INPP5D: variants seen among roughly 807,000 people sequenced by gnomAD.
INPP5D encodes inositol polyphosphate-5-phosphatase D.
INPP5D carries 33 observed loss-of-function variants against 122.9 expected under a neutral mutation model. The observed-to-expected ratio is 0.27, with a 90% CI of 0.20 to 0.36. The LOEUF is 0.36. INPP5D is among the 10% of genes least tolerant of loss of function. The pLI is 1.00. For missense variants in INPP5D, 1,053 were observed against 1,412.7 expected (o/e 0.75, Z 4.08); for synonymous variants, 584 against 576.2 (o/e 1.01, Z -0.19).
intron 11 of INPP5D, among the ~76,000 whole-genome samples, chr2:233,163,130 T>G (rs1271317934): frequency 6.6e-6 from 1 of 152,236 alleles, no homozygotes; most frequent in Non-Finnish European, 1.5e-5. Flanking sequence ...GGAACAAAGT[T>G]TGCTCATCCT....
rs546215336 is a variant in INPP5D, at chr2:233,170,905, C to CAAAA, written c.1901-143_1901-140dup. ...TGGCCAACAAAGACAGACTCCGTCTCAAAAAAAAAAAAAAAAAAAGCAGCA... is the reference window on the plus strand; with the variant it reads ...TGGCCAACAAAGACAGACTCCGTCTCAAAAAAAAAAAAAAAAAAAAAAAGCAGCA... On this transcript the variant is annotated intron_variant, in intron 16 of 26. Coordinates refer to ENST00000445964, the MANE Select transcript of INPP5D (RefSeq NM_001017915.3). This position sits in a 1 kb window ranked among gnomAD's most constrained non-coding sequence, Gnocchi z 4.5. Among the ~76,000 whole-genome samples, 1 of 109,668 alleles carries CAAAA rather than the reference C, an allele frequency of 9.1e-6. No homozygotes were observed. The allele number at this position is 109,668 out of a possible 152,430, so 71.9% of individuals were successfully genotyped here.
At chr2:233,198,403 TC>T (rs1695241585) in intron 25 of INPP5D, 27 bp downstream of exon 25, 3 of 1,588,450 alleles carry the variant, frequency 1.9e-6, no homozygotes, top group East Asian at 4.5e-5. Flanking sequence ...TTAAGACGGC[TC>T]CCTCCCTCCT....
intron 5 of INPP5D, among the ~76,000 whole-genome samples, chr2:233,132,479 CTATT>C (rs1311676184): frequency 1.3e-5 from 2 of 152,232 alleles, no homozygotes; most frequent in African/African-American, 4.8e-5. Flanking sequence ...CTCCATGACT[CTATT>C]TAGAATTAAA....
At chr2:233,070,593 C>T (rs1691352187) in intron 1 of INPP5D, among the ~76,000 whole-genome samples, 1 of 152,144 alleles carries the variant, frequency 6.6e-6, no homozygotes, top group African/African-American at 2.4e-5. Context: ...AGGCTCCCGC[C>T]ACCATGCCCA....
intron 2 of INPP5D, among the ~76,000 whole-genome samples, chr2:233,117,432 A>G (rs1389300813): frequency 6.6e-6 from 1 of 152,130 alleles, no homozygotes; most frequent in Non-Finnish European, 1.5e-5. Context: ...GGGTTTGGCC[A>G]ATGGGAGCCG....
chr2:233,138,957 C>T (rs1288437407), intron 5 of INPP5D, among the ~76,000 whole-genome samples: 1 of 149,672 alleles, frequency 6.7e-6, no homozygotes, highest in Non-Finnish European at 1.5e-5. Context: ...GGTTTCACCA[C>T]GTTAGCCAGG....
At chr2:233,144,363 T>G (rs2106276865) in intron 6 of INPP5D, among the ~76,000 whole-genome samples, 2 of 150,226 alleles carry the variant, frequency 1.3e-5, no homozygotes, top group African/African-American at 4.9e-5. Flanking sequence ...GTGGTGATGG[T>G]GAGGGTGGAG....
In INPP5D at chr2:233,204,185, C is replaced by G. The variant is rs557858996; in HGVS notation, c.3035C>G (p.Thr1012Arg). 6.8e-6 allele frequency: 11 copies of G among 1,608,570 alleles called. No homozygotes were observed. In the Admixed American group the frequency reaches 1.0e-4, roughly 15 times the overall value. Residue 1012 changes from threonine to arginine, a missense_variant, in exon 26 of 27, where the codon ACG becomes AGG. Around this residue, in one of 6 missense-constraint regions of INPP5D, gnomAD observed 417 missense variants for 425.8 expected, o/e 0.98. Coordinates refer to ENST00000445964, the MANE Select transcript of INPP5D (RefSeq NM_001017915.3). ...CTGCCTCAGGAGGACCTGCCGCTGACGAAGCCCGAGATGTTTGAGAACCCC... is the reference window on the plus strand; with the variant it reads ...CTGCCTCAGGAGGACCTGCCGCTGAGGAAGCCCGAGATGTTTGAGAACCCC... ...DTLPQEDLPL[T>R]KPEMFENPLY... is the part of the protein sequence containing the mutation.
At position 233,193,975 on chromosome 2, in the gene INPP5D, C is replaced by G. The variant is rs751600318; in HGVS notation, c.2596+14C>G. The G allele has an allele frequency of 1.0e-4, 158 of 1,579,760 alleles. 1 individual carries two copies. In the Middle Eastern group the frequency reaches 1.8e-3, roughly 18 times the overall value. On this transcript the variant is annotated intron_variant, in intron 23 of 26. Coordinates refer to ENST00000445964, the MANE Select transcript of INPP5D (RefSeq NM_001017915.3). ...AGAAGCTCTATGGTAAGCAGCAAGC[C>G]CCTCCCCAGCGCCCTCTTCAGCCCC...
At chr2:233,182,520 G>A in intron 19 of INPP5D, 21 bp downstream of exon 19, 1 of 1,611,240 alleles carries the variant, frequency 6.2e-7, no homozygotes, top group Non-Finnish European at 8.5e-7. Flanking sequence ...GATGGTGTCT[G>A]TTTCTCTGTT....
At chr2:233,147,294 C>T (rs1294414513) in intron 8 of INPP5D, among the ~76,000 whole-genome samples, 177 bp from the exon 9 acceptor site, 1 of 152,208 alleles carries the variant, frequency 6.6e-6, no homozygotes, top group Non-Finnish European at 1.5e-5. Flanking sequence ...TCTGTGATTC[C>T]CGGGAGACGC....
chr2:233,197,964 G>A lies in INPP5D; in HGVS notation c.2694-131G>A. 1 of 1,325,854 alleles carries A rather than the reference G, an allele frequency of 7.5e-7. No homozygotes were observed. Among genetic ancestry groups the A allele is most frequent in the Non-Finnish European group, 9.9e-7 (1 of 1,007,190 alleles). The allele number at this position is 1,325,854 out of a possible 1,614,324, so 82.1% of individuals were successfully genotyped here. ...TAGATGAATGAATGAATGGATCACTGCCCAAGAGGTGAAGGAGTTGAGGAG... is the reference window on the plus strand; with the variant it reads ...TAGATGAATGAATGAATGGATCACTACCCAAGAGGTGAAGGAGTTGAGGAG... On this transcript the variant is annotated intron_variant, in intron 24 of 26. Transcript: ENST00000445964. This position sits in a 1 kb window ranked among gnomAD's most constrained non-coding sequence, Gnocchi z 4.4.
At chr2:233,171,712 G>A (rs1011363766) in intron 17 of INPP5D, among the ~76,000 whole-genome samples, 1 of 152,230 alleles carries the variant, frequency 6.6e-6, no homozygotes, top group Admixed American at 6.5e-5. Flanking sequence ...CCTATTATGG[G>A]TTAGGCACTC....
At chr2:233,185,785 CTT>C (rs1211568343) in intron 20 of INPP5D, 56 bp from the exon 21 acceptor site, 64 of 1,462,406 alleles carry the variant, frequency 4.4e-5, no homozygotes, top group Non-Finnish European at 5.5e-5. Flanking sequence ...CCCAGGGAGT[CTT>C]TTCTGTCTGG....
At chr2:233,116,842 A>G (rs10181541) in intron 2 of INPP5D, among the ~76,000 whole-genome samples, 5,492 of 152,008 alleles carry the variant, frequency 0.036, 341 homozygotes, top group African/African-American at 0.13. Flanking sequence ...TGATCCACCC[A>G]CCTCGGCCTC....
intron 1 of INPP5D, among the ~76,000 whole-genome samples, chr2:233,065,347 G>T (rs886573956): frequency 7.9e-6 from 1 of 126,320 alleles, no homozygotes; most frequent in African/African-American, 3.1e-5. Context: ...TTGCTCTGTC[G>T]CCAAGGCTGG....
intron 12 of INPP5D, 58 bp downstream of exon 12, chr2:233,163,961 G>A: frequency 1.3e-6 from 2 of 1,582,732 alleles, no homozygotes; most frequent in Non-Finnish European, 1.7e-6. Flanking sequence ...GCTCGGCTGG[G>A]CTGTCTCAGA....
intron 6 of INPP5D, among the ~76,000 whole-genome samples, chr2:233,144,545 G>GTGGTGA (rs1276406549): frequency 9.1e-5 from 10 of 110,288 alleles, no homozygotes; most frequent in African/African-American, 3.4e-4. Flanking sequence ...GGAGGTGGTG[G>GTGGTGA]TGGTGATGGT....
Position 233,204,646 on chromosome 2 carries a change from G to A in INPP5D, c.3496G>A (p.Glu1166Lys), listed in dbSNP as rs1168915803. Residue 1166 changes from glutamate (E) to lysine (K), a missense_variant, in exon 26 of 27, where the codon GAG becomes AAG. Glu to Lys is a moderately conservative substitution (Grantham distance 56, BLOSUM62 1). Transcript: ENST00000445964. ...SKGRDYRDNT[E>K]LPHHGKHRPE... is the part of the protein sequence containing the mutation. ...GGGCCGCGACTACCGCGACAACACCGAGCTCCCGCATCACGGCAAGCACCG... is the reference window on the plus strand; with the variant it reads ...GGGCCGCGACTACCGCGACAACACCAAGCTCCCGCATCACGGCAAGCACCG... 8 of 1,584,516 alleles carry A rather than the reference G, an allele frequency of 5.0e-6. No homozygotes were observed. In the East Asian group the frequency reaches 9.2e-5, roughly 18 times the overall value.
Sources: gnomAD v4.1 joint callset for allele counts (sites outside exome capture counted in the v4.1 genomes callset) on GRCh38, gnomAD v4.1.1 for gene constraint, gnomAD v4.1.1 regional missense constraint, Gnocchi (gnomAD v3.1) non-coding constraint, MANE v1.5 for transcripts, NCBI Gene and HGNC (gene_info 2026-07-23, HGNC 2026-07-21) for gene names.